The following SPTA1 variants were observed in gnomAD, a reference collection of about 807,000 sequenced individuals.
The protein encoded by SPTA1 is spectrin alpha chain, erythrocytic 1.
SPTA1 carries 177 observed loss-of-function variants against 324.7 expected under a neutral mutation model. The ratio of observed to expected loss-of-function variants is 0.55; its 90% CI spans 0.48 to 0.62. The LOEUF (loss-of-function observed/expected upper bound fraction) is 0.62. Ranked by LOEUF, SPTA1 falls within the 20% of genes least tolerant of loss-of-function variation. The pLI is 0.00. For synonymous variants in SPTA1, 1,195 were observed against 1,041.3 expected (o/e 1.15, Z -2.84); for missense variants, 3,162 against 2,883.6 (o/e 1.10, Z -2.21).
rs749093588 is a variant in SPTA1, at chr1:158,672,030, C to T, written c.1488+29G>A. ...AAATGAAGGGTGAGAGAAATTACTT[C>T]TAGAGATGGTATGGACCCCTCCCGT... On this transcript the variant is annotated intron_variant, in intron 11 of 51. Coordinates refer to ENST00000643759, the MANE Select transcript of SPTA1 (RefSeq NM_003126.4). The T allele has an allele frequency of 2.9e-5, 46 of 1,613,224 alleles. No homozygotes were observed. In the Middle Eastern group the frequency reaches 6.6e-4, roughly 23 times the overall value.
rs368626430 is a variant in SPTA1 at position 158,634,827 on chromosome 1, C to T, written c.5433-152G>A. On this transcript the variant is annotated intron_variant, in intron 38 of 51. Transcript: ENST00000643759. Reference sequence around the variant, plus strand: ...GGCCTCAACACAGTATAATAGGTGCCTACTGCTCAGTGGTGAAGATCTGCT... The same window carrying T: ...GGCCTCAACACAGTATAATAGGTGCTTACTGCTCAGTGGTGAAGATCTGCT... 3.7e-5 allele frequency: 31 copies of T among 845,786 alleles called. 1 individual carries two copies. Among genetic ancestry groups the T allele is most frequent in the Middle Eastern group, 5.4e-4 (2 of 3,688 alleles). The allele number at this position is 845,786 out of a possible 1,614,324, so 52.4% of individuals were successfully genotyped here.
chr1:158,614,132 CA>C (rs1649415748), intron 49 of SPTA1, 120 bp downstream of exon 49: 2 of 858,192 alleles, frequency 2.3e-6, no homozygotes, highest in African/African-American at 3.4e-5. Context: ...AGCTAATGAG[CA>C]TATCTAGATC....
At chr1:158,672,845 C>T (rs534687459) in intron 10 of SPTA1, among the ~76,000 whole-genome samples, 3 of 152,012 alleles carry the variant, frequency 2.0e-5, no homozygotes, top group South Asian at 2.1e-4. Flanking sequence ...GCCTGTAATG[C>T]CAGCACTTTG....
intron 47 of SPTA1, among the ~76,000 whole-genome samples, chr1:158,616,464 CA>C (rs1490810613): frequency 6.6e-6 from 1 of 152,126 alleles, no homozygotes; most frequent in East Asian, 1.9e-4. Flanking sequence ...TCATGAGATC[CA>C]TTTTATTTTG....
At position 158,676,226 on chromosome 1, in the gene SPTA1, C is replaced by T; in HGVS notation, c.1027G>A (p.Glu343Lys). The T allele has an allele frequency of 6.2e-7, 1 of 1,613,700 alleles. No homozygotes were observed. Residue 343 changes from glutamate (E) to lysine (K), a missense_variant, in exon 8 of 52, where the codon GAG becomes AAG. Physicochemically the swap from Glu to Lys is moderately conservative, Grantham distance 56. Transcript: ENST00000643759. ...CTGGAGACCAGATCTTCTTTCATCT[C>T]CTGGATCTGAGGTGCATCTGAAGGA... ...SHPSDAPQIQ[E>K]MKEDLVSSWE...
Position 158,633,087 on chromosome 1 carries a change from A to G in SPTA1, c.5565+1456T>C, listed in dbSNP as rs144985008. 2.3e-4 allele frequency among the ~76,000 whole-genome samples: 35 copies of G among 152,332 alleles called. No individual in the cohort carries two copies. In the East Asian group the frequency reaches 6.6e-3, roughly 29 times the overall value. ...TCAATCTTCAAAAGTTACATACTAT[A>G]TGATTTCATTTGTATAGCAGCGTGG... On this transcript the variant is annotated intron_variant, in intron 39 of 51. Transcript: ENST00000643759.
intron 12 of SPTA1, 57 bp from the exon 13 acceptor site, chr1:158,669,843 G>A: frequency 6.4e-7 from 1 of 1,563,464 alleles, no homozygotes; most frequent in Admixed American, 1.7e-5. Flanking sequence ...TGAGTAAGTG[G>A]CCATAGTTTG....
intron 48 of SPTA1, chr1:158,614,642 C>T: frequency 4.2e-6 from 1 of 236,460 alleles, no homozygotes; most frequent in South Asian, 8.3e-5. Flanking sequence ...ATCATAGCTG[C>T]TTTTTTCACT....
At chr1:158,674,838 T>A (rs1211124103) in intron 8 of SPTA1, among the ~76,000 whole-genome samples, 163 bp from the exon 9 acceptor site, 2 of 152,164 alleles carry the variant, frequency 1.3e-5, no homozygotes, top group African/African-American at 4.8e-5. Context: ...AGTCAGAGAT[T>A]AGTGGTGCAG....
At chr1:158,654,578 C>G (rs766616488) in intron 21 of SPTA1, 33 bp downstream of exon 21, 1 of 1,613,560 alleles carries the variant, frequency 6.2e-7, no homozygotes, top group Non-Finnish European at 8.5e-7. Flanking sequence ...GAAAGAGCCA[C>G]TTTTTGATGG....
intron 19 of SPTA1, 65 bp downstream of exon 19, chr1:158,657,412 C>T: frequency 6.6e-7 from 1 of 1,516,070 alleles, no homozygotes; most frequent in Admixed American, 1.7e-5. Context: ...CCTAAGCAAA[C>T]CCTAAATTGA....
Position 158,683,390 on chromosome 1 carries a change from G to C in SPTA1, c.371C>G (p.Ser124Cys). 1 of 1,613,374 alleles carries C rather than the reference G, an allele frequency of 6.2e-7. No homozygotes were observed. Among genetic ancestry groups the C allele is most frequent in the South Asian group, 1.1e-5 (1 of 91,070 alleles). Reference protein sequence around the residue: ...TREERFTMGHSAHEETKAHIE... With the variant: ...TREERFTMGHCAHEETKAHIE... The stretch of plus-strand genomic sequence containing the variant: ...ATATACCTTCGTTTCTTCGTGGGCA[G>C]AATGACCCATGGTAAATCGTTCTTC... The change falls in exon 3 of 52, where the codon TCT becomes TGT. Residue 124 changes from serine (S) to cysteine (C), a missense_variant. Physicochemically the swap from Ser to Cys is moderately radical, Grantham distance 112. Coordinates refer to ENST00000643759, the MANE Select transcript of SPTA1 (RefSeq NM_003126.4).
chr1:158,662,566 G>A, intron 17 of SPTA1, 136 bp downstream of exon 17: 2 of 1,194,264 alleles, frequency 1.7e-6, no homozygotes, highest in Non-Finnish European at 2.3e-6. Flanking sequence ...ATGAAGGACT[G>A]GACAAATTTT....
intron 43 of SPTA1, chr1:158,622,726 T>G (rs1619): frequency 2.2e-6 from 1 of 446,530 alleles, no homozygotes; most frequent in Admixed American, 3.5e-5. Context: ...TCCCATCCTC[T>G]TGTTCCATCC....
intron 39 of SPTA1, among the ~76,000 whole-genome samples, chr1:158,633,112 G>C (rs1042854558): frequency 6.6e-6 from 1 of 152,182 alleles, no homozygotes; most frequent in African/African-American, 2.4e-5. Context: ...TAGCAGCGTG[G>C]AAATGACAAA....
At position 158,668,020 on chromosome 1, in the gene SPTA1, A is replaced by C; in HGVS notation, c.1876T>G (p.Phe626Val). 6.2e-7 allele frequency: 1 copy of C among 1,613,650 alleles called. No homozygotes were observed. Among genetic ancestry groups the C allele is most frequent in the Non-Finnish European group, 8.5e-7 (1 of 1,179,940 alleles). The change falls in exon 15 of 52, where the codon TTT becomes GTT. Residue 626 changes from phenylalanine (F) to valine (V), a missense_variant. Phe to Val is a conservative substitution (Grantham distance 50). Coordinates refer to ENST00000643759, the MANE Select transcript of SPTA1 (RefSeq NM_003126.4). ...TTATTAACTGCCAACTCCTTTTCAA[A>C]GACTTGCTGCTTTTGAACCCTGCTC... The part of the protein sequence containing the change: ...LKSRVQKQQV[F>V]EKELAVNKTQ...
intron 43 of SPTA1, 35 bp from the exon 44 acceptor site, chr1:158,620,501 C>G: frequency 6.2e-7 from 1 of 1,611,290 alleles, no homozygotes. Context: ...ACCATCTTTC[C>G]TGATAAAGCC....
rs964342122 is a variant in SPTA1, at chr1:158,611,167, G to A, written c.*97C>T. ...CACACACACACACACACACACACAC[G>A]AGGCCATCTTTATCTTCCACATTTG... is the stretch of plus-strand genomic sequence containing the variant. On this transcript the variant is annotated 3_prime_UTR_variant, in exon 52 of 52. Transcript: ENST00000643759. 31 of 939,452 alleles carry A rather than the reference G, an allele frequency of 3.3e-5. No individual in the cohort carries two copies. The highest frequency in any genetic ancestry group is 1.0e-4 in the South Asian group (7 of 69,706). The allele number at this position is 939,452 out of a possible 1,614,324, so 58.2% of individuals were successfully genotyped here. A position where few individuals can be genotyped will look rare whatever the true frequency, so the allele number is the denominator to read the frequency against.
chr1:158,634,449 A>G, intron 39 of SPTA1, 94 bp downstream of exon 39: 1 of 1,537,522 alleles, frequency 6.5e-7, no homozygotes, highest in Non-Finnish European at 8.9e-7. Flanking sequence ...TTTCACCAGA[A>G]AAATGTCCTA....
Sources: gnomAD v4.1 joint callset for allele counts (sites outside exome capture counted in the v4.1 genomes callset) on GRCh38, gnomAD v4.1.1 for gene constraint, MANE v1.5 for transcripts, NCBI Gene and HGNC (gene_info 2026-07-23, HGNC 2026-07-21) for gene names.